The following WDR73 variants were observed in gnomAD, a reference collection of about 807,000 sequenced individuals.
WDR73 encodes WD repeat domain 73.
In WDR73, 30 loss-of-function variants were observed where a neutral mutation model predicts 38.2. That is an observed-to-expected ratio of 0.79 (90% CI 0.59 to 1.06). The LOEUF is 1.06. Ranked by LOEUF, WDR73 falls within the 50% of genes least tolerant of loss-of-function variation. WDR73 has a pLI of 0.00. For missense variants in WDR73, 487 were observed against 467.0 expected (o/e 1.04, Z -0.40); for synonymous variants, 197 against 176.0 (o/e 1.12, Z -0.94).
In WDR73 at chr15:84,645,834, C is replaced by T; in HGVS notation, c.520G>A (p.Val174Ile). ...CTACTCAGCTCCTCACTGTCACTGA[C>T]ATCTGGAAGACCGACAGCAAAGGAG... ...ESRKTTYTSD[V>I]SDSEELSSLQ... is the part of the protein sequence containing the mutation. Residue 174 changes from valine to isoleucine, a missense_variant and splice_region_variant, in exon 7 of 8, where the codon GTC becomes ATC. Transcript: ENST00000434634. 1 of 1,613,856 alleles carries T rather than the reference C, an allele frequency of 6.2e-7. No individual in the cohort carries two copies. The highest frequency in any genetic ancestry group is 1.3e-5 in the African/African-American group (1 of 75,062).
At chr15:84,647,747 T>G (rs1310037400) in intron 5 of WDR73, 143 bp downstream of exon 5, 2 of 768,604 alleles carry the variant, frequency 2.6e-6, no homozygotes, top group Non-Finnish European at 4.5e-6. Context: ...TCCACCCAGC[T>G]CAGCCTCCCA....
intron 7 of WDR73, 22 bp downstream of exon 7, chr15:84,645,449 A>G: frequency 6.2e-7 from 1 of 1,610,184 alleles, no homozygotes; most frequent in Non-Finnish European, 8.5e-7. Flanking sequence ...AGATAACAAG[A>G]CGAAATCCTG....
chr15:84,646,395 T>A (rs1474993808), intron 5 of WDR73, 47 bp from the exon 6 acceptor site: 1 of 1,575,362 alleles, frequency 6.3e-7, no homozygotes, highest in African/African-American at 1.4e-5. Context: ...AATGAAGGTT[T>A]GAAACATGAC....
At chr15:84,653,018 A>C in intron 2 of WDR73, 11 of 420,136 alleles carry the variant, frequency 2.6e-5, no homozygotes, top group Non-Finnish European at 3.4e-5. Context: ...TGCCAGGCTC[A>C]AGTGATCCTC....
At chr15:84,650,351 C>T (rs1896583432) in intron 3 of WDR73, among the ~76,000 whole-genome samples, 1 of 100,446 alleles carries the variant, frequency 1.0e-5, no homozygotes, top group Non-Finnish European at 1.9e-5. Flanking sequence ...CCACACCCGG[C>T]TAATTTTCTT....
chr15:84,653,824 C>T (rs558847183), intron 1 of WDR73, 125 bp from the exon 2 acceptor site: 62 of 768,124 alleles, frequency 8.1e-5, no homozygotes, highest in African/African-American at 8.1e-4. Flanking sequence ...ACTGAGTTTA[C>T]TTCCCATTTT....
chr15:84,653,699 C>G lies in WDR73; in HGVS notation c.42G>C (p.Leu14Phe), dbSNP rs1392431828. The part of the protein sequence containing the change: ...GDDWLVESLR[L>F]YQDFYAFDLS... The stretch of plus-strand genomic sequence containing the variant: ...GGTCGAATGCATAGAAATCCTGGTA[C>G]CTGCACAAAAGGGACACAGAATCAC... The change falls in exon 2 of 8, where the codon TTG (leucine) becomes TTC (phenylalanine). Residue 14 changes from leucine (L) to phenylalanine (F), a missense_variant and splice_region_variant. Transcript: ENST00000434634. 7.6e-6 allele frequency: 12 copies of G among 1,587,262 alleles called. No individual in the cohort carries two copies. Among genetic ancestry groups the G allele is most frequent in the African/African-American group, 1.3e-5 (1 of 74,390 alleles).
In WDR73 at chr15:84,644,020, C is replaced by T. The variant is rs1252237206; in HGVS notation, c.884-297G>A. On this transcript the variant is annotated intron_variant, in intron 7 of 7. Transcript: ENST00000434634. Reference sequence around the variant, plus strand: ...TAGCATCTGCCCTCAGTGTTGGCAGCTGATGACTCCGTGGGGCATGTAACC... The same window carrying T: ...TAGCATCTGCCCTCAGTGTTGGCAGTTGATGACTCCGTGGGGCATGTAACC... The T allele has an allele frequency of 3.2e-5, 10 of 313,102 alleles. No homozygotes were observed. In the East Asian group the frequency reaches 7.8e-4, roughly 24 times the overall value. The allele number at this position is 313,102 out of a possible 1,614,324, so 19.4% of individuals were successfully genotyped here.
chr15:84,643,697 C>CATAG lies in WDR73; in HGVS notation c.906_909dup (p.Asp304LeufsTer2). 6.2e-7 allele frequency: 1 copy of CATAG among 1,613,454 alleles called. No homozygotes were observed. The highest frequency in any genetic ancestry group is 1.1e-5 in the South Asian group (1 of 90,910). On this transcript the variant is annotated frameshift_variant, in exon 8 of 8. Coordinates refer to ENST00000434634, the MANE Select transcript of WDR73 (RefSeq NM_032856.5). LOFTEE classifies it high-confidence loss of function. ...CGTGTTCCATCCCAAGATGTGGCAT[C>CATAG]ATAGACCTGGACTGTACCATCAAAA...
chr15:84,641,285 C>G lies in WDR73; in HGVS notation c.*2185G>C, dbSNP rs1287294864. On this transcript the variant is annotated 3_prime_UTR_variant, in exon 8 of 8. Transcript: ENST00000434634. The stretch of plus-strand genomic sequence containing the variant: ...CAGGTGGGAAATGAATGGGAGCTAG[C>G]ATTCCACCAACAAAGTCAGCCCTGG... The G allele has an allele frequency of 6.6e-6, 1 of 152,172 alleles. No individual in the cohort carries two copies. Among genetic ancestry groups the G allele is most frequent in the Non-Finnish European group, 1.5e-5 (1 of 68,040 alleles). The allele number at this position is 152,172 out of a possible 1,614,324, so 9.4% of individuals were successfully genotyped here. A position where few individuals can be genotyped will look rare whatever the true frequency, so the allele number is the denominator to read the frequency against.
At chr15:84,653,107 C>A (rs980007590) in intron 2 of WDR73, 3 of 264,752 alleles carry the variant, frequency 1.1e-5, no homozygotes, top group Non-Finnish European at 2.1e-5. Context: ...TTTGTAGAGA[C>A]AGGGTTTCCT....
Position 84,642,662 on chromosome 15 carries a change from G to A in WDR73, c.*808C>T, listed in dbSNP as rs11073613. 0.61 allele frequency: 93,251 copies of A among 151,960 alleles called. 30,401 individuals carry two copies. The highest frequency in any genetic ancestry group is 0.84 in the African/African-American group (34,721 of 41,446). 9.4% of individuals were successfully genotyped at this position (151,960 alleles called of 1,614,324 possible). ...GTATTTTTAGTAGAGACAAGGTTTC[G>A]CCATGTTGCTCAGGCTAGTCTCGAA... On this transcript the variant is annotated 3_prime_UTR_variant, in exon 8 of 8. Coordinates refer to ENST00000434634, the MANE Select transcript of WDR73 (RefSeq NM_032856.5).
chr15:84,646,258 C>G lies in WDR73; in HGVS notation c.443G>C (p.Gly148Ala). ...TCGGAGCCTCGCCCCATGGAGGACT[C>G]CGGGTGCCAATGTGGAGAAGACGGC... ...RVAVFSTLAP[G>A]VLHGARLRSL... The change falls in exon 6 of 8, where the codon GGA becomes GCA. Residue 148 changes from glycine (G) to alanine (A), a missense_variant. Gly to Ala is a moderately conservative substitution (Grantham distance 60). Coordinates refer to ENST00000434634, the MANE Select transcript of WDR73 (RefSeq NM_032856.5). 1 of 1,613,952 alleles carries G rather than the reference C, an allele frequency of 6.2e-7. No individual in the cohort carries two copies. Among genetic ancestry groups the G allele is most frequent in the Non-Finnish European group, 8.5e-7 (1 of 1,179,896 alleles).
At chr15:84,644,829 G>C (rs551801765) in intron 7 of WDR73, 1 of 151,594 alleles carries the variant, frequency 6.6e-6, no homozygotes, top group Non-Finnish European at 1.5e-5. Context: ...CACCCGCCTC[G>C]ACCTCCCAAA....
Position 84,643,533 on chromosome 15 carries a change from T to A in WDR73, c.1074A>T (p.Leu358Phe). The stretch of plus-strand genomic sequence containing the variant: ...GCAGAGAGGCATCATTTGTTGCTGA[T>A]AACAAAGTCCTTGGTCTGCAGGGAT... ...TWHPCRPRTL[L>F]SATNDASLHV... The change falls in exon 8 of 8, where the codon TTA becomes TTT. Residue 358 changes from leucine (L) to phenylalanine (F), a missense_variant. Coordinates refer to ENST00000434634, the MANE Select transcript of WDR73 (RefSeq NM_032856.5). 6.2e-7 allele frequency: 1 copy of A among 1,601,990 alleles called. No homozygotes were observed. The highest frequency in any genetic ancestry group is 8.5e-7 in the Non-Finnish European group (1 of 1,173,998).
intron 5 of WDR73, chr15:84,647,219 C>T (rs1220851105): frequency 1.3e-5 from 2 of 152,284 alleles, no homozygotes; most frequent in East Asian, 3.9e-4. Flanking sequence ...TTGGTTGTCT[C>T]CACCTGCTTG....
intron 3 of WDR73, among the ~76,000 whole-genome samples, chr15:84,651,144 G>C (rs1462665701): frequency 6.6e-6 from 1 of 151,214 alleles, no homozygotes; most frequent in Non-Finnish European, 1.5e-5. Context: ...GAAGTTTGGG[G>C]CCAGGAGTGA....
chr15:84,651,008 G>C (rs1216934861), intron 3 of WDR73, among the ~76,000 whole-genome samples: 1 of 151,922 alleles, frequency 6.6e-6, no homozygotes, highest in African/African-American at 2.4e-5. Flanking sequence ...CCAACTACTC[G>C]GGATGCTGAA....
At chr15:84,648,324 A>G (rs1179221496) in intron 4 of WDR73, 2 of 589,660 alleles carry the variant, frequency 3.4e-6, no homozygotes, top group Admixed American at 3.0e-5. Flanking sequence ...TGTTACTTAC[A>G]TTAGTCCAAG....
Sources: gnomAD v4.1 joint callset for allele counts (sites outside exome capture counted in the v4.1 genomes callset) on GRCh38, gnomAD v4.1.1 for gene constraint, MANE v1.5 for transcripts, NCBI Gene and HGNC (gene_info 2026-07-23, HGNC 2026-07-21) for gene names.